TMEM26: variants seen among roughly 807,000 people sequenced by gnomAD.
The protein encoded by TMEM26 is transmembrane protein 26.
TMEM26 carries 38 observed loss-of-function variants against 28.8 expected under a neutral mutation model. The ratio of observed to expected loss-of-function variants is 1.32; its 90% CI spans 1.02 to 1.73. TMEM26 has a LOEUF of 1.73. Ranked by LOEUF, TMEM26 falls within the 40% of genes most tolerant of loss-of-function variation. TMEM26 has a pLI of 0.00. For missense variants in TMEM26, 518 were observed against 447.1 expected (o/e 1.16, Z -1.43); for synonymous variants, 227 against 182.9 (o/e 1.24, Z -1.95).
At chr10:61,418,072 A>AT (rs113773220) in intron 4 of TMEM26, among the ~76,000 whole-genome samples, 36 of 151,136 alleles carry the variant, frequency 2.4e-4, no homozygotes, top group South Asian at 1.9e-3. Flanking sequence ...CAGCTTGGCT[A>AT]TTTTTTTTTA....
At chr10:61,415,140 A>G in intron 4 of TMEM26, 2 of 985,328 alleles carry the variant, frequency 2.0e-6, no homozygotes, top group Non-Finnish European at 2.4e-6. Flanking sequence ...GGATTCCAAA[A>G]GAAGTAACTG....
At chr10:61,438,328 TATCAAAGGAAAC>T (rs1840040751) in intron 1 of TMEM26, among the ~76,000 whole-genome samples, 1 of 152,180 alleles carries the variant, frequency 6.6e-6, no homozygotes, top group African/African-American at 2.4e-5. Flanking sequence ...TGACCTCACA[TATCAAAGGAAAC>T]ATCAGGAGAT....
chr10:61,436,069 T>C (rs1840000778), intron 2 of TMEM26, 101 bp downstream of exon 2: 2 of 664,996 alleles, frequency 3.0e-6, no homozygotes, highest in East Asian at 5.5e-5. Context: ...TCTTGCTAAC[T>C]CCAGTACCTT....
chr10:61,441,074 T>A (rs1270340833), intron 1 of TMEM26, among the ~76,000 whole-genome samples: 3 of 152,214 alleles, frequency 2.0e-5, no homozygotes, highest in Non-Finnish European at 4.4e-5. Context: ...CATTGTTGTA[T>A]TTTATTGTGT....
chr10:61,447,672 A>G (rs1840207169), intron 1 of TMEM26, among the ~76,000 whole-genome samples: 1 of 152,158 alleles, frequency 6.6e-6, no homozygotes, highest in Non-Finnish European at 1.5e-5. Flanking sequence ...GAGTAGAAAA[A>G]CAGTATTAAT....
rs1007897237 is a variant in TMEM26 at position 61,413,483 on chromosome 10, G to A, written c.658C>T (p.Leu220=). 3 of 1,613,072 alleles carry A rather than the reference G, an allele frequency of 1.9e-6. No homozygotes were observed. The highest frequency in any genetic ancestry group is 1.7e-5 in the Admixed American group (1 of 59,936). ...AILVIWTWSM[L]QFPLDLAVQN... The stretch of plus-strand genomic sequence containing the variant: ...CCTGCCAGGTCAAGTGGAAACTGCA[G>A]CATGCTCCAAGTCCATATAACAAGG... The change falls in exon 5 of 6, where the codon CTG becomes TTG. Residue 220 remains leucine (L), a synonymous_variant. Transcript: ENST00000399298.
intron 4 of TMEM26, among the ~76,000 whole-genome samples, chr10:61,415,721 G>C (rs945365347): frequency 1.3e-5 from 2 of 152,004 alleles, no homozygotes; most frequent in African/African-American, 2.4e-5. Context: ...TTTTAGGTCT[G>C]CTCTATTCTA....
At chr10:61,426,306 T>C (rs537315804) in intron 4 of TMEM26, among the ~76,000 whole-genome samples, 2 of 152,192 alleles carry the variant, frequency 1.3e-5, no homozygotes, top group East Asian at 1.9e-4. Context: ...AGGAATCTTT[T>C]TGGAGTGATG....
intron 1 of TMEM26, among the ~76,000 whole-genome samples, chr10:61,448,595 A>T (rs1468321976): frequency 6.7e-6 from 1 of 149,212 alleles, no homozygotes; most frequent in East Asian, 2.0e-4. Context: ...TAAAATGTCG[A>T]CCGTGTTTGT....
intron 2 of TMEM26, among the ~76,000 whole-genome samples, chr10:61,434,850 T>A (rs974362541): frequency 2.0e-5 from 3 of 152,308 alleles, no homozygotes; most frequent in Non-Finnish European, 2.9e-5. Flanking sequence ...GGTTACATAT[T>A]GGGGGCTTAA....
intron 4 of TMEM26, among the ~76,000 whole-genome samples, chr10:61,418,799 G>A (rs919379907): frequency 1.3e-5 from 2 of 152,068 alleles, no homozygotes; most frequent in Non-Finnish European, 2.9e-5. Flanking sequence ...CTATAGAAGG[G>A]CTAGATGAGT....
chr10:61,429,183 G>GCC (rs1564477550), intron 3 of TMEM26, 37 bp from the exon 4 acceptor site: 1 of 1,534,016 alleles, frequency 6.5e-7, no homozygotes, highest in Non-Finnish European at 9.0e-7. Flanking sequence ...AGGATTATCA[G>GCC]CCACCACCTG....
chr10:61,433,216 T>C (rs1267544112), intron 2 of TMEM26, among the ~76,000 whole-genome samples: 1 of 152,138 alleles, frequency 6.6e-6, no homozygotes, highest in Non-Finnish European at 1.5e-5. Flanking sequence ...CTTATCTGAG[T>C]TGCTCTCCGC....
In TMEM26 at chr10:61,410,596, T is replaced by C. The variant is rs767248608; in HGVS notation, c.833A>G (p.Tyr278Cys). 1.9e-5 allele frequency: 30 copies of C among 1,613,930 alleles called. No homozygotes were observed. In the East Asian group the frequency reaches 2.0e-4, roughly 11 times the overall value. The change falls in exon 6 of 6, where the codon TAT becomes TGT. Residue 278 changes from tyrosine (Y) to cysteine (C), a missense_variant. Tyr to Cys is a radical substitution (Grantham distance 194). Transcript: ENST00000399298. Reference sequence around the variant, plus strand: ...CAGCATCTGATTGATCACTTTGAAATAGGTCATCAGTATGAGACGCACGAC... The same window carrying C: ...CAGCATCTGATTGATCACTTTGAAACAGGTCATCAGTATGAGACGCACGAC... ...FLVVRLILMTYFKVINQMLVF... is the reference protein window; with the variant it reads ...FLVVRLILMTCFKVINQMLVF...
chr10:61,432,202 T>G (rs1839933797), intron 2 of TMEM26, among the ~76,000 whole-genome samples: 1 of 152,084 alleles, frequency 6.6e-6, no homozygotes, highest in Admixed American at 6.6e-5. Context: ...AATAATCCAA[T>G]CATTTTTAAT....
chr10:61,428,427 T>G (rs1011680707), intron 4 of TMEM26, among the ~76,000 whole-genome samples: 1 of 152,148 alleles, frequency 6.6e-6, no homozygotes, highest in Non-Finnish European at 1.5e-5. Context: ...AAACCTCATC[T>G]GCCCCATTCT....
intron 1 of TMEM26, among the ~76,000 whole-genome samples, chr10:61,439,487 T>G (rs1346869625): frequency 6.6e-6 from 1 of 152,256 alleles, no homozygotes; most frequent in Non-Finnish European, 1.5e-5. Context: ...CAATAGAGAC[T>G]ACTGATATCT....
chr10:61,446,897 GAAACA>G (rs1840193111), intron 1 of TMEM26, among the ~76,000 whole-genome samples: 2 of 104,442 alleles, frequency 1.9e-5, no homozygotes, highest in Non-Finnish European at 4.0e-5. Context: ...CAGAAACACA[GAAACA>G]CAGAGTGAAC....
intron 1 of TMEM26, among the ~76,000 whole-genome samples, chr10:61,448,561 G>A (rs1840223707): frequency 6.6e-6 from 1 of 151,752 alleles, no homozygotes; most frequent in South Asian, 2.1e-4. Context: ...GCACATTTGA[G>A]CACTGTATCA....
Sources: gnomAD v4.1 joint callset for allele counts (sites outside exome capture counted in the v4.1 genomes callset) on GRCh38, gnomAD v4.1.1 for gene constraint, MANE v1.5 for transcripts, NCBI Gene and HGNC (gene_info 2026-07-23, HGNC 2026-07-21) for gene names.